The following ZDHHC21 variants were observed in gnomAD, a reference collection of about 807,000 sequenced individuals.
ZDHHC21 encodes zDHHC palmitoyltransferase 21, also known as palmitoyltransferase ZDHHC21.
In ZDHHC21, 15 loss-of-function variants were observed where a neutral mutation model predicts 34.6. The ratio of observed to expected loss-of-function variants is 0.43; its 90% CI spans 0.29 to 0.67. The LOEUF (loss-of-function observed/expected upper bound fraction) is 0.67. ZDHHC21 is among the 30% of genes least tolerant of loss of function. ZDHHC21 has a pLI of 0.14. For missense variants in ZDHHC21, 344 were observed against 327.7 expected, an observed-to-expected ratio of 1.05 and a Z score of -0.38; for synonymous variants, 142 against 101.8, an observed-to-expected ratio of 1.40 and a Z score of -2.38.
At chr9:14,641,841 T>C (rs1210476810) in intron 7 of ZDHHC21, among the ~76,000 whole-genome samples, 2 of 146,824 alleles carry the variant, frequency 1.4e-5, no homozygotes, top group African/African-American at 5.5e-5. Flanking sequence ...AAGAGTGCTG[T>C]TGTTTTTATT....
chr9:14,651,203 C>T (rs1423897044), intron 7 of ZDHHC21, among the ~76,000 whole-genome samples: 1 of 151,798 alleles, frequency 6.6e-6, no homozygotes, highest in East Asian at 1.9e-4. Flanking sequence ...ATATAACAGA[C>T]TGCCTCAATG....
intron 2 of ZDHHC21, among the ~76,000 whole-genome samples, chr9:14,689,759 A>G (rs1441971923): frequency 6.6e-6 from 1 of 152,052 alleles, no homozygotes; most frequent in Non-Finnish European, 1.5e-5. Flanking sequence ...TAACTGGGCC[A>G]CTGTTTTTTG....
intron 8 of ZDHHC21, 117 bp downstream of exon 8, chr9:14,639,779 T>C (rs1164388303): frequency 1.8e-5 from 10 of 555,732 alleles, no homozygotes; most frequent in African/African-American, 3.8e-5. Flanking sequence ...ATGAAAGTAT[T>C]AAAAAGCATG....
intron 2 of ZDHHC21, among the ~76,000 whole-genome samples, chr9:14,687,184 G>A (rs1838453846): frequency 6.6e-6 from 1 of 150,680 alleles, no homozygotes; most frequent in Admixed American, 6.6e-5. Context: ...AACGTTAGTA[G>A]GTTATAGCAC....
intron 2 of ZDHHC21, among the ~76,000 whole-genome samples, chr9:14,686,583 C>T (rs926248869): frequency 2.6e-5 from 4 of 152,126 alleles, no homozygotes; most frequent in Non-Finnish European, 4.4e-5. Context: ...GTTATTAGAT[C>T]GTCAAATGAA....
intron 8 of ZDHHC21, among the ~76,000 whole-genome samples, chr9:14,629,211 C>T (rs1248922193): frequency 6.6e-6 from 1 of 152,148 alleles, no homozygotes; most frequent in Non-Finnish European, 1.5e-5. Context: ...GAGGTTACTA[C>T]ACATATGCAG....
the ZDHHC21 span, among the ~76,000 whole-genome samples, chr9:14,605,628 T>C: frequency 1.3e-5 from 2 of 152,310 alleles, no homozygotes; most frequent in East Asian, 3.9e-4. Flanking sequence ...CCTTCTCCCA[T>C]TCGATAGACT....
intron 6 of ZDHHC21, among the ~76,000 whole-genome samples, chr9:14,660,538 C>T (rs950429765): frequency 6.6e-6 from 1 of 152,040 alleles, no homozygotes; most frequent in Admixed American, 6.6e-5. Flanking sequence ...CTGTACATTT[C>T]CCCTGCTCTC....
At chr9:14,681,146 T>C (rs190778732) in intron 2 of ZDHHC21, among the ~76,000 whole-genome samples, 235 of 152,286 alleles carry the variant, frequency 1.5e-3, no homozygotes, top group African/African-American at 5.2e-3. Context: ...CACAGATATA[T>C]ATGAATAACT....
chr9:14,675,452 T>C (rs919281773), intron 3 of ZDHHC21, among the ~76,000 whole-genome samples: 1 of 151,926 alleles, frequency 6.6e-6, no homozygotes, highest in Non-Finnish European at 1.5e-5. Flanking sequence ...ATCATAATTC[T>C]TCATAAAACT....
the ZDHHC21 span, among the ~76,000 whole-genome samples, chr9:14,592,319 A>G: frequency 9.2e-5 from 14 of 152,082 alleles, no homozygotes; most frequent in African/African-American, 3.1e-4. Context: ...TTGTTTCGAT[A>G]TAATTCCATT....
chr9:14,643,253 A>T (rs140212753), intron 7 of ZDHHC21, among the ~76,000 whole-genome samples: 5,453 of 151,834 alleles, frequency 0.036, 329 homozygotes, highest in African/African-American at 0.13. Flanking sequence ...GTCTCAAAAA[A>T]ATATATATAT....
chr9:14,610,017 A>T (rs1823151073), downstream of ZDHHC21, among the ~76,000 whole-genome samples: 1 of 151,470 alleles, frequency 6.6e-6, no homozygotes, highest in Non-Finnish European at 1.5e-5. Context: ...AGAAACATAA[A>T]ATCATGGGTC....
In ZDHHC21 at chr9:14,647,402, T is replaced by C. The variant is rs146844150; in HGVS notation, c.505-7390A>G. ...ATCTTCCTATAAACTTATATCCTAA[T>C]CTCAATTCAAATTCTAAGACTATAT... On this transcript the variant is annotated intron_variant, in intron 7 of 9. Coordinates refer to ENST00000380916, the MANE Select transcript of ZDHHC21 (RefSeq NM_178566.6). Among the ~76,000 whole-genome samples the C allele has an allele frequency of 1.0e-3, 158 of 152,240 alleles. 1 individual carries two copies. Among genetic ancestry groups the C allele is most frequent in the African/African-American group, 3.6e-3 (149 of 41,542 alleles).
At chr9:14,678,125 T>G (rs1162948122) in intron 3 of ZDHHC21, among the ~76,000 whole-genome samples, 1 of 152,106 alleles carries the variant, frequency 6.6e-6, no homozygotes, top group Non-Finnish European at 1.5e-5. Context: ...CAAGGCCAAT[T>G]TGAATCTCAC....
chr9:14,681,841 C>G (rs1278255629), intron 2 of ZDHHC21, among the ~76,000 whole-genome samples: 1 of 151,926 alleles, frequency 6.6e-6, no homozygotes, highest in Non-Finnish European at 1.5e-5. Flanking sequence ...CAGCAGATCT[C>G]TTGGCAGAAA....
rs945357407 is a variant in ZDHHC21, at chr9:14,615,479, C to T, written c.*3487G>A. 4.0e-5 allele frequency: 6 copies of T among 151,614 alleles called. No individual in the cohort carries two copies. The highest frequency in any genetic ancestry group is 6.6e-5 in the Admixed American group (1 of 15,170). 9.4% of individuals were successfully genotyped at this position (151,614 alleles called of 1,614,324 possible). On this transcript the variant is annotated 3_prime_UTR_variant, in exon 10 of 10. Coordinates refer to ENST00000380916, the MANE Select transcript of ZDHHC21 (RefSeq NM_178566.6). ...TCTGAAAAAGTTAATATGTTAACTA[C>T]AATTTAAAACAGCTATTTCTAATGT...
intron 2 of ZDHHC21, among the ~76,000 whole-genome samples, chr9:14,682,057 G>A (rs1029438334): frequency 6.6e-6 from 1 of 152,030 alleles, no homozygotes; most frequent in Non-Finnish European, 1.5e-5. Flanking sequence ...ACATGGAAAG[G>A]AACAACCGGT....
chr9:14,666,657 C>A lies in ZDHHC21; in HGVS notation c.254-4331G>T, dbSNP rs1002878139. Among the ~76,000 whole-genome samples, 19 of 109,354 alleles carry A rather than the reference C, an allele frequency of 1.7e-4. 1 individual carries two copies. The South Asian group carries it at 2.3e-3, about 13-fold the overall frequency. 71.7% of individuals were successfully genotyped at this position (109,354 alleles called of 152,430 possible). A position where few individuals can be genotyped will look rare whatever the true frequency, so the allele number is the denominator to read the frequency against. On this transcript the variant is annotated intron_variant, in intron 5 of 9. Coordinates refer to ENST00000380916, the MANE Select transcript of ZDHHC21 (RefSeq NM_178566.6). ...AAATTATAACAAACTGTCTCTCAGA[C>A]CACAGTGCAATCAAACTAGAACTCA... is the stretch of plus-strand genomic sequence containing the variant.
Sources: allele counts gnomAD v4.1 joint callset (sites outside exome capture counted in the v4.1 genomes callset), GRCh38; gene constraint gnomAD v4.1.1; transcripts MANE v1.5; gene names NCBI Gene and HGNC (gene_info 2026-07-23, HGNC 2026-07-21).